The following ACOX3 variants were observed in gnomAD, a reference collection of about 807,000 sequenced individuals.
ACOX3 encodes the protein peroxisomal acyl-coenzyme A oxidase 3.
In ACOX3, 73 loss-of-function variants were observed where a neutral mutation model predicts 81.5. The observed-to-expected ratio is 0.90, with a 90% CI of 0.74 to 1.09. The LOEUF is 1.09. ACOX3 is among the 50% of genes least tolerant of loss of function. ACOX3 has a pLI of 0.00. For synonymous variants in ACOX3, 387 were observed against 375.1 expected (o/e 1.03, Z -0.37); for missense variants, 947 against 928.0 (o/e 1.02, Z -0.27).
At chr4:8,359,660 G>A in the ACOX3 span, among the ~76,000 whole-genome samples, 1 of 152,118 alleles carries the variant, frequency 6.6e-6, no homozygotes, top group Admixed American at 6.5e-5. The surrounding 1 kb of genome is among the most constrained non-coding windows in gnomAD (Gnocchi z 6.0). Context: ...GGGAGCTGAC[G>A]GGACTGCTGG....
At chr4:8,391,848 A>G (rs1719030618) in intron 11 of ACOX3, among the ~76,000 whole-genome samples, 1 of 152,266 alleles carries the variant, frequency 6.6e-6, no homozygotes, top group Admixed American at 6.5e-5. Context: ...TGCCTCAGTC[A>G]TCATCAATGC....
At chr4:8,393,606 C>T (rs1312759886) in intron 10 of ACOX3, among the ~76,000 whole-genome samples, 9 of 113,994 alleles carry the variant, frequency 7.9e-5, no homozygotes. Flanking sequence ...AAGAGGAAGA[C>T]ACACACACGC....
Position 8,400,055 on chromosome 4 carries a change from T to C in ACOX3, c.777-403A>G, listed in dbSNP as rs889769575. Reference sequence around the variant, plus strand: ...TCAGGTCAGGAGTTCGAAACCAGCCTGACCAATATGGTGAAACCCCGTCTC... The same window carrying C: ...TCAGGTCAGGAGTTCGAAACCAGCCCGACCAATATGGTGAAACCCCGTCTC... On this transcript the variant is annotated intron_variant, in intron 7 of 17. Transcript: ENST00000356406. This position sits in a 1 kb window ranked among gnomAD's most constrained non-coding sequence, Gnocchi z 4.4. 5.9e-5 allele frequency among the ~76,000 whole-genome samples: 9 copies of C among 152,120 alleles called. No homozygotes were observed. The highest frequency in any genetic ancestry group is 3.9e-4 in the Admixed American group (6 of 15,264).
chr4:8,424,781 CCG>C (rs1163048005), intron 1 of ACOX3, among the ~76,000 whole-genome samples: 1 of 152,208 alleles, frequency 6.6e-6, no homozygotes, highest in Non-Finnish European at 1.5e-5. Context: ...CAAACCTACG[CCG>C]CTCGAGGGGA....
chr4:8,422,555 C>A (rs996866369), intron 1 of ACOX3, among the ~76,000 whole-genome samples: 1 of 152,222 alleles, frequency 6.6e-6, no homozygotes, highest in Non-Finnish European at 1.5e-5. Context: ...AGCAGAAGTT[C>A]ACTTCTTGCC....
At chr4:8,363,834 C>T (rs1429765913), downstream of ACOX3, among the ~76,000 whole-genome samples, 3 of 152,118 alleles carry the variant, frequency 2.0e-5, no homozygotes, top group Non-Finnish European at 4.4e-5. Context: ...CTCCCACCAG[C>T]GCCATGACAG....
intron 16 of ACOX3, among the ~76,000 whole-genome samples, chr4:8,372,559 CCT>C (rs1716350323): frequency 6.6e-6 from 1 of 152,240 alleles, no homozygotes; most frequent in African/African-American, 2.4e-5. Context: ...AAAACCCCTC[CCT>C]GTGGCCAGTT....
rs1397699624 is a variant in ACOX3 at position 8,381,969 on chromosome 4, G to A, written c.1538-362C>T. ...AGGCTCGGTCTGTGTGAAGCGTGGT[G>A]CTGCCTCCACAGCATCAGCCAGGAC... On this transcript the variant is annotated intron_variant, in intron 13 of 17. Coordinates refer to ENST00000356406, the MANE Select transcript of ACOX3 (RefSeq NM_003501.3). The surrounding 1 kb of genome is among the most constrained non-coding windows in gnomAD (Gnocchi z 4.3). Among the ~76,000 whole-genome samples, 2 of 152,248 alleles carry A rather than the reference G, an allele frequency of 1.3e-5. No homozygotes were observed. The highest frequency in any genetic ancestry group is 2.9e-5 in the Non-Finnish European group (2 of 68,040).
chr4:8,401,342 C>CATTATT (rs1720352876), intron 7 of ACOX3, among the ~76,000 whole-genome samples: 1 of 152,188 alleles, frequency 6.6e-6, no homozygotes, highest in Non-Finnish European at 1.5e-5. Context: ...AATAATCTCA[C>CATTATT]ATGCTGGAAG....
In ACOX3 at chr4:8,414,961, G is replaced by A. The variant is rs771884142; in HGVS notation, c.379-33C>T. The A allele has an allele frequency of 6.2e-7, 1 of 1,601,730 alleles. No individual in the cohort carries two copies. Among genetic ancestry groups the A allele is most frequent in the South Asian group, 1.1e-5 (1 of 90,756 alleles). ...TATAACATCGTCCTATCAACAGGGG[G>A]CAGGTAAGAAGAGTACTGCTCTTCC... On this transcript the variant is annotated intron_variant, in intron 3 of 17. Transcript: ENST00000356406. This position sits in a 1 kb window ranked among gnomAD's most constrained non-coding sequence, Gnocchi z 6.1.
At chr4:8,387,601 G>A (rs973426606) in intron 13 of ACOX3, among the ~76,000 whole-genome samples, 5 of 152,204 alleles carry the variant, frequency 3.3e-5, no homozygotes, top group African/African-American at 9.7e-5. Context: ...TGTGATACGC[G>A]GCTTTACAGA....
Position 8,416,371 on chromosome 4 carries a change from G to A in ACOX3, c.144+7C>T, listed in dbSNP as rs141483833. The A allele has an allele frequency of 3.4e-4, 546 of 1,614,134 alleles. No individual in the cohort carries two copies. The African/African-American group carries it at 6.7e-3, about 20-fold the overall frequency. On this transcript the variant is annotated splice_region_variant and intron_variant, in intron 2 of 17. Coordinates refer to ENST00000356406, the MANE Select transcript of ACOX3 (RefSeq NM_003501.3). This position sits in a 1 kb window ranked among gnomAD's most constrained non-coding sequence, Gnocchi z 4.2. ...AAAGACAAGCTGCGCACAACCGCAC[G>A]CCTCACCTTAAAGCGGAGCATGCCC...
At chr4:8,422,066 G>C (rs1723008098) in intron 1 of ACOX3, among the ~76,000 whole-genome samples, 1 of 152,150 alleles carries the variant, frequency 6.6e-6, no homozygotes, top group Non-Finnish European at 1.5e-5. Flanking sequence ...AGGCAAATGG[G>C]GGCAACGAGC....
Position 8,396,959 on chromosome 4 carries a change from G to C in ACOX3, c.1034C>G (p.Pro345Arg), listed in dbSNP as rs745770746. Residue 345 changes from proline to arginine, a missense_variant, in exon 9 of 18, where the codon CCA becomes CGA. Physicochemically the swap from Pro to Arg is moderately radical, Grantham distance 103 (BLOSUM62 -2). Transcript: ENST00000356406. Reference protein sequence around the residue: ...QFGPTEEEEIPVLEYPMQQWR... With the variant: ...QFGPTEEEEIRVLEYPMQQWR... The stretch of plus-strand genomic sequence containing the variant: ...TACCTGCATTGGATACTCAAGCACT[G>C]GTATTTCCTCCTCCTCTGTGGGTCC... 9 of 1,612,186 alleles carry C rather than the reference G, an allele frequency of 5.6e-6. No individual in the cohort carries two copies. Among genetic ancestry groups the C allele is most frequent in the Admixed American group, 5.0e-5 (3 of 59,460 alleles).
rs74733981 is a variant in ACOX3 at position 8,380,856 on chromosome 4, G to A, written c.1653+636C>T. Among the ~76,000 whole-genome samples, 484 of 152,214 alleles carry A rather than the reference G, an allele frequency of 3.2e-3. 1 individual carries two copies. Among genetic ancestry groups the A allele is most frequent in the African/African-American group, 0.011 (460 of 41,530 alleles). ...GCTCATGGCACCCACAGACACATCC[G>A]GGAGCCCTACTGCCCCCACCGGCTG... On this transcript the variant is annotated intron_variant, in intron 14 of 17. Coordinates refer to ENST00000356406, the MANE Select transcript of ACOX3 (RefSeq NM_003501.3).
rs1286341559 is a variant in ACOX3, at chr4:8,415,930, C to T, written c.214G>A (p.Glu72Lys). ...ARSPGADLSL[E>K]KYRELNFLRC... ...AGGAAGTTCAGCTCGCGATACTTCT[C>T]CAAGGACAGATCGGCTCCAGGGGAA... Residue 72 changes from glutamate (E) to lysine (K), a missense_variant, in exon 3 of 18, where the codon GAG becomes AAG. By Grantham distance (56) the Glu-to-Lys change is moderately conservative (BLOSUM62 1). Coordinates refer to ENST00000356406, the MANE Select transcript of ACOX3 (RefSeq NM_003501.3). 2 of 1,614,056 alleles carry T rather than the reference C, an allele frequency of 1.2e-6. No homozygotes were observed. Among genetic ancestry groups the T allele is most frequent in the African/African-American group, 2.7e-5 (2 of 74,910 alleles).
chr4:8,417,223 G>A (rs1722434358), intron 1 of ACOX3, among the ~76,000 whole-genome samples: 1 of 152,260 alleles, frequency 6.6e-6, no homozygotes, highest in African/African-American at 2.4e-5. Flanking sequence ...AATGGCTGGT[G>A]AACCCAAGTC....
Position 8,394,388 on chromosome 4 carries a change from T to C in ACOX3, c.1179+232A>G, listed in dbSNP as rs1471934736. On this transcript the variant is annotated intron_variant, in intron 10 of 17. Coordinates refer to ENST00000356406, the MANE Select transcript of ACOX3 (RefSeq NM_003501.3). The surrounding 1 kb of genome is among the most constrained non-coding windows in gnomAD (Gnocchi z 5.9). Reference sequence around the variant, plus strand: ...GAGACCAACAGCTGAACTCACAGACTGGAACCGGGAGTCGTGTCAGCACAT... The same window carrying C: ...GAGACCAACAGCTGAACTCACAGACCGGAACCGGGAGTCGTGTCAGCACAT... 6.6e-6 allele frequency among the ~76,000 whole-genome samples: 1 copy of C among 152,210 alleles called. No homozygotes were observed. Among genetic ancestry groups the C allele is most frequent in the Non-Finnish European group, 1.5e-5 (1 of 68,036 alleles).
intron 8 of ACOX3, among the ~76,000 whole-genome samples, chr4:8,397,653 G>A (rs1267214936): frequency 6.6e-6 from 1 of 152,210 alleles, no homozygotes; most frequent in African/African-American, 2.4e-5. Context: ...GGCGTCAGCA[G>A]AGGCTGTTGC....
Sources: allele counts gnomAD v4.1 joint callset (sites outside exome capture counted in the v4.1 genomes callset), GRCh38; gene constraint gnomAD v4.1.1; non-coding constraint Gnocchi (gnomAD v3.1); transcripts MANE v1.5; gene names NCBI Gene and HGNC (gene_info 2026-07-23, HGNC 2026-07-21).